The following ADGRB3 variants were observed in gnomAD, a reference collection of about 807,000 sequenced individuals.
The protein encoded by ADGRB3 is adhesion G protein-coupled receptor B3, also known as brain-specific angiogenesis inhibitor 3.
ADGRB3 carries 37 observed loss-of-function variants against 193.4 expected under a neutral mutation model. The ratio of observed to expected loss-of-function variants is 0.19; its 90% CI spans 0.15 to 0.25. The LOEUF is 0.25. Ranked by LOEUF, ADGRB3 falls within the 10% of genes least tolerant of loss-of-function variation. The pLI is 1.00. For missense variants in ADGRB3, 1,637 were observed against 1,852.9 expected (o/e 0.88, Z 2.14); for synonymous variants, 690 against 644.2 (o/e 1.07, Z -1.08).
At chr6:68,840,307 G>A (rs487408) in intron 3 of ADGRB3, among the ~76,000 whole-genome samples, 32,248 of 141,792 alleles carry the variant, frequency 0.23, 3,999 homozygotes, top group East Asian at 0.61. Context: ...AGAGGACTTT[G>A]TCTTGCAACT....
chr6:69,038,470 A>C lies in ADGRB3; in HGVS notation c.2108-9715A>C, dbSNP rs79115913. Among the ~76,000 whole-genome samples, 673 of 152,276 alleles carry C rather than the reference A, an allele frequency of 4.4e-3. 2 individuals are homozygous for C. The highest frequency in any genetic ancestry group is 8.9e-3 in the South Asian group (43 of 4,824). On this transcript the variant is annotated intron_variant, in intron 13 of 31. Transcript: ENST00000370598. ...TCTTAGTCTTACTTTCTGAGGAAAG[A>C]GGGGGAATTTATTTCCTAAGGCATT...
At chr6:68,674,644 T>C (rs543920081) in intron 3 of ADGRB3, among the ~76,000 whole-genome samples, 1 of 152,296 alleles carries the variant, frequency 6.6e-6, no homozygotes, top group Admixed American at 6.5e-5. Flanking sequence ...CTATGAGCTA[T>C]ACCTTGAAGG....
At chr6:69,364,685 A>G (rs1448921297) in intron 29 of ADGRB3, among the ~76,000 whole-genome samples, 1 of 152,066 alleles carries the variant, frequency 6.6e-6, no homozygotes, top group African/African-American at 2.4e-5. Context: ...ATACTAATAT[A>G]CTAAGATTTT....
intron 4 of ADGRB3, among the ~76,000 whole-genome samples, chr6:68,931,957 T>G (rs995934322): frequency 6.6e-6 from 1 of 152,168 alleles, no homozygotes; most frequent in African/African-American, 2.4e-5. Context: ...AAAAATTGAT[T>G]TTTATTTTTA....
At chr6:68,667,531 AT>A (rs1472278674) in intron 3 of ADGRB3, among the ~76,000 whole-genome samples, 3 of 151,942 alleles carry the variant, frequency 2.0e-5, no homozygotes, top group Admixed American at 6.6e-5. Flanking sequence ...TTTTAGAATA[AT>A]ATGTGTTTCA....
chr6:68,919,112 A>C (rs2150241281), intron 3 of ADGRB3, among the ~76,000 whole-genome samples: 1 of 152,246 alleles, frequency 6.6e-6, no homozygotes, highest in South Asian at 2.1e-4. Context: ...AAGCCTCAGT[A>C]AACTTTAATT....
At chr6:69,038,719 A>C (rs1317123553) in intron 13 of ADGRB3, among the ~76,000 whole-genome samples, 1 of 152,250 alleles carries the variant, frequency 6.6e-6, no homozygotes, top group East Asian at 1.9e-4. Context: ...TATGTGTAGC[A>C]TAAAAAGAAT....
At chr6:69,232,349 C>A in intron 17 of ADGRB3, 1 of 1,309,076 alleles carries the variant, frequency 7.6e-7, no homozygotes. Context: ...CCCCCCACCA[C>A]GAACAAGACG....
intron 20 of ADGRB3, among the ~76,000 whole-genome samples, chr6:69,302,817 T>G (rs1354455304): frequency 1.3e-5 from 2 of 151,974 alleles, no homozygotes; most frequent in East Asian, 3.9e-4. Context: ...TGGAGAAAAC[T>G]GTGTCCATAT....
intron 3 of ADGRB3, among the ~76,000 whole-genome samples, chr6:68,884,263 C>T (rs1765836432): frequency 6.6e-6 from 1 of 152,162 alleles, no homozygotes; most frequent in African/African-American, 2.4e-5. Context: ...GGGGATGTGT[C>T]AGGAGAGTGA....
At chr6:69,166,773 T>A (rs1775140745) in intron 17 of ADGRB3, among the ~76,000 whole-genome samples, 4 of 152,160 alleles carry the variant, frequency 2.6e-5, no homozygotes, top group Admixed American at 2.6e-4. Flanking sequence ...GGTAGCTGTA[T>A]CCTTCCATCT....
intron 17 of ADGRB3, among the ~76,000 whole-genome samples, chr6:69,115,362 G>A (rs761725115): frequency 2.6e-5 from 4 of 151,932 alleles, no homozygotes; most frequent in Non-Finnish European, 4.4e-5. Flanking sequence ...AACAAACACC[G>A]CATGTTCTCA....
intron 3 of ADGRB3, among the ~76,000 whole-genome samples, chr6:68,715,274 G>C (rs1230701212): frequency 6.6e-6 from 1 of 151,450 alleles, no homozygotes; most frequent in Non-Finnish European, 1.5e-5. Flanking sequence ...CCTCCAGATT[G>C]TGTAACGCAC....
At chr6:69,381,520 A>G (rs763661237) in intron 30 of ADGRB3, among the ~76,000 whole-genome samples, 1 of 151,932 alleles carries the variant, frequency 6.6e-6, no homozygotes. Flanking sequence ...TGTATTGCCT[A>G]GATACATATT....
At chr6:69,333,224 G>A (rs545811294) in intron 24 of ADGRB3, among the ~76,000 whole-genome samples, 10 of 152,220 alleles carry the variant, frequency 6.6e-5, no homozygotes, top group African/African-American at 1.7e-4. Context: ...GAAGAAATTC[G>A]GAGTGTACTT....
rs149108856 is a variant in ADGRB3 at position 69,120,336 on chromosome 6, T to C, written c.2480+44298T>C. 3.9e-5 allele frequency among the ~76,000 whole-genome samples: 6 copies of C among 152,324 alleles called. No homozygotes were observed. The East Asian group carries it at 1.2e-3, about 29-fold the overall frequency. On this transcript the variant is annotated intron_variant, in intron 17 of 31. Coordinates refer to ENST00000370598, the MANE Select transcript of ADGRB3 (RefSeq NM_001704.3). ...TCTAAATCTATTCAATAAGGAGCTCTGGCCATGGGGCCCAGAAATCTGTGC... is the reference window on the plus strand; with the variant it reads ...TCTAAATCTATTCAATAAGGAGCTCCGGCCATGGGGCCCAGAAATCTGTGC...
At chr6:68,818,083 G>T (rs996650727) in intron 3 of ADGRB3, among the ~76,000 whole-genome samples, 1 of 151,994 alleles carries the variant, frequency 6.6e-6, no homozygotes, top group African/African-American at 2.4e-5. Flanking sequence ...TTAGGTTCTT[G>T]TAGCTGGGAC....
intron 16 of ADGRB3, among the ~76,000 whole-genome samples, chr6:69,075,669 T>C (rs1222647851): frequency 6.6e-6 from 1 of 152,270 alleles, no homozygotes; most frequent in East Asian, 1.9e-4. Flanking sequence ...TAGCAACTAA[T>C]GTTTTAGAGA....
chr6:68,759,118 T>TA (rs1303747992), intron 3 of ADGRB3, among the ~76,000 whole-genome samples: 1 of 152,130 alleles, frequency 6.6e-6, no homozygotes, highest in Non-Finnish European at 1.5e-5. Context: ...CCTCCCTTGA[T>TA]AATCTCATTG....
Sources: allele counts gnomAD v4.1 joint callset (sites outside exome capture counted in the v4.1 genomes callset), GRCh38; gene constraint gnomAD v4.1.1; transcripts MANE v1.5; gene names NCBI Gene and HGNC (gene_info 2026-07-23, HGNC 2026-07-21).